The following ITGA11 variants were observed in gnomAD, a reference collection of about 807,000 sequenced individuals.
ITGA11 encodes the protein integrin alpha-11.
In ITGA11, 97 loss-of-function variants were observed where a neutral mutation model predicts 141.9. The observed-to-expected ratio is 0.68, with a 90% confidence interval of 0.58 to 0.81. The LOEUF (loss-of-function observed/expected upper bound fraction) is 0.81. ITGA11 is among the 30% of genes least tolerant of loss of function. ITGA11 has a pLI of 0.00. For synonymous variants in ITGA11, 658 were observed against 624.6 expected (o/e 1.05, Z -0.80); for missense variants, 1,387 against 1,559.2 (o/e 0.89, Z 1.86).
chr15:68,385,224 G>A (rs1472116313), intron 2 of ITGA11, among the ~76,000 whole-genome samples: 1 of 152,242 alleles, frequency 6.6e-6, no homozygotes, highest in East Asian at 1.9e-4. Flanking sequence ...TCAGTTCTGT[G>A]ATTTCGAAGC....
chr15:68,376,224 C>T (rs1016813047), intron 2 of ITGA11, among the ~76,000 whole-genome samples: 4 of 45,672 alleles, frequency 8.8e-5, no homozygotes, highest in Non-Finnish European at 2.3e-4. Context: ...CATTGTTCTC[C>T]TCTCTTTTTT....
chr15:68,369,383 GGAGGGTGGGA>G, intron 2 of ITGA11, 99 bp from the exon 3 acceptor site: 1 of 625,216 alleles, frequency 1.6e-6, no homozygotes, highest in Non-Finnish European at 2.9e-6. Flanking sequence ...AGTTGGGTGG[GGAGGGTGGGA>G]GGGAACCCTG....
At position 68,351,369 on chromosome 15, in the gene ITGA11, T is replaced by A. The variant is rs769997574; in HGVS notation, c.783A>T (p.Gly261=). Residue 261 remains glycine (G), a synonymous_variant, in exon 8 of 30, where the codon GGA becomes GGT. Coordinates refer to ENST00000315757, the MANE Select transcript of ITGA11 (RefSeq NM_001004439.2). The part of the protein sequence containing the change: ...SEAFQKGGRK[G]AKKVMIVITD... ...TGATGACAATCATCACCTTCTTGGCTCCTTTCCTTCCACCCTTCTGGAAAG... is the reference window on the plus strand; with the variant it reads ...TGATGACAATCATCACCTTCTTGGCACCTTTCCTTCCACCCTTCTGGAAAG... 1 of 1,613,808 alleles carries A rather than the reference T, an allele frequency of 6.2e-7. No individual in the cohort carries two copies. The highest frequency in any genetic ancestry group is 8.5e-7 in the Non-Finnish European group (1 of 1,179,866).
Position 68,350,475 on chromosome 15 carries a change from T to C in ITGA11, c.1060+142A>G, listed in dbSNP as rs1000199390. On this transcript the variant is annotated intron_variant, in intron 9 of 29. Transcript: ENST00000315757. ...AAAGTGCTGGGGTTACAGGCGTGAG[T>C]CACCATGCCTGGCCTGGCATTTATT... The C allele has an allele frequency of 9.2e-6, 7 of 757,994 alleles. No homozygotes were observed. The African/African-American group carries it at 1.3e-4, about 14-fold the overall frequency. The allele number at this position is 757,994 out of a possible 1,614,324, so 47.0% of individuals were successfully genotyped here.
In ITGA11 at chr15:68,335,933, G is replaced by A. The variant is rs144673981; in HGVS notation, c.1277-88C>T. The A allele has an allele frequency of 6.8e-7, 1 of 1,467,870 alleles. No individual in the cohort carries two copies. The highest frequency in any genetic ancestry group is 9.3e-7 in the Non-Finnish European group (1 of 1,079,754). 90.9% of individuals were successfully genotyped at this position (1,467,870 alleles called of 1,614,324 possible). A position where few individuals can be genotyped will look rare whatever the true frequency, so the allele number is the denominator to read the frequency against. On this transcript the variant is annotated intron_variant, in intron 11 of 29. Coordinates refer to ENST00000315757, the MANE Select transcript of ITGA11 (RefSeq NM_001004439.2). This position sits in a 1 kb window ranked among gnomAD's most constrained non-coding sequence, Gnocchi z 4.9. ...GGTGCATGGCTTGGCAGTGCCAGAGGATGGGCCAGTGATGGGGTAGGTTCA... is the reference window on the plus strand; with the variant it reads ...GGTGCATGGCTTGGCAGTGCCAGAGAATGGGCCAGTGATGGGGTAGGTTCA...
At chr15:68,431,992 G>C in intron 1 of ITGA11, 23 bp downstream of exon 1, 1 of 1,299,348 alleles carries the variant, frequency 7.7e-7, no homozygotes, top group South Asian at 2.7e-5. Flanking sequence ...AGAGGCAAGG[G>C]GAGGCAGAGG....
chr15:68,407,726 T>C (rs1038896918), intron 1 of ITGA11, among the ~76,000 whole-genome samples: 3 of 152,230 alleles, frequency 2.0e-5, no homozygotes, highest in Non-Finnish European at 2.9e-5. Flanking sequence ...TTTCTCAGAA[T>C]CTTGTGTGTC....
At chr15:68,350,211 G>T (rs748191210) in intron 9 of ITGA11, among the ~76,000 whole-genome samples, 1 of 152,132 alleles carries the variant, frequency 6.6e-6, no homozygotes, top group Non-Finnish European at 1.5e-5. Context: ...TGGGGACAGG[G>T]TCTGGCTCTG....
At chr15:68,339,291 C>T (rs190160372) in intron 11 of ITGA11, among the ~76,000 whole-genome samples, 1 of 151,988 alleles carries the variant, frequency 6.6e-6, no homozygotes, top group East Asian at 1.9e-4. Context: ...TTATGGAGAG[C>T]CTGTTATACG....
intron 10 of ITGA11, among the ~76,000 whole-genome samples, chr15:68,341,545 A>G (rs1305646712): frequency 6.6e-6 from 1 of 152,248 alleles, no homozygotes; most frequent in Non-Finnish European, 1.5e-5. Context: ...TAAGTAGGGC[A>G]GAGAAGAAAA....
Position 68,326,899 on chromosome 15 carries a change from GTTCCT to G in ITGA11, c.2069-108_2069-104del. The G allele has an allele frequency of 1.6e-6, 2 of 1,266,606 alleles. No individual in the cohort carries two copies. The highest frequency in any genetic ancestry group is 2.1e-6 in the Non-Finnish European group (2 of 933,092). The allele number at this position is 1,266,606 out of a possible 1,614,324, so 78.5% of individuals were successfully genotyped here. A position where few individuals can be genotyped will look rare whatever the true frequency, so the allele number is the denominator to read the frequency against. On this transcript the variant is annotated intron_variant, in intron 16 of 29. Coordinates refer to ENST00000315757, the MANE Select transcript of ITGA11 (RefSeq NM_001004439.2). The surrounding 1 kb of genome is among the most constrained non-coding windows in gnomAD (Gnocchi z 6.8). ...CCCCCAGGCTGGCCAGGGGAGAGCTGTTCCTTTCCTCTCACGAGCCCCAGTGTGGG... is the reference window on the plus strand; with the variant it reads ...CCCCCAGGCTGGCCAGGGGAGAGCTGTTCCTCTCACGAGCCCCAGTGTGGG...
At chr15:68,329,005 G>A (rs541442932) in intron 15 of ITGA11, among the ~76,000 whole-genome samples, 1 of 152,302 alleles carries the variant, frequency 6.6e-6, no homozygotes, top group African/African-American at 2.4e-5. Flanking sequence ...AACCATGAAT[G>A]TATATAAAAA....
chr15:68,318,384 G>A (rs78433261), intron 20 of ITGA11, among the ~76,000 whole-genome samples: 2,286 of 152,272 alleles, frequency 0.015, 57 homozygotes, highest in African/African-American at 0.052. Context: ...AGGGGAAGGC[G>A]GATGCTGGTG....
chr15:68,426,685 A>C (rs745676597), intron 1 of ITGA11, among the ~76,000 whole-genome samples: 5 of 152,108 alleles, frequency 3.3e-5, no homozygotes, highest in Admixed American at 6.6e-5. Flanking sequence ...AGGACAACTT[A>C]CTGTCTTTCT....
chr15:68,307,256 G>A lies in ITGA11; in HGVS notation c.3381+92C>T. 1.2e-6 allele frequency: 1 copy of A among 852,200 alleles called. No individual in the cohort carries two copies. Among genetic ancestry groups the A allele is most frequent in the East Asian group, 2.7e-5 (1 of 37,598 alleles). The allele number at this position is 852,200 out of a possible 1,614,324, so 52.8% of individuals were successfully genotyped here. A position where few individuals can be genotyped will look rare whatever the true frequency, so the allele number is the denominator to read the frequency against. On this transcript the variant is annotated intron_variant, in intron 28 of 29. Coordinates refer to ENST00000315757, the MANE Select transcript of ITGA11 (RefSeq NM_001004439.2). This position sits in a 1 kb window ranked among gnomAD's most constrained non-coding sequence, Gnocchi z 6.1. Reference sequence around the variant, plus strand: ...CTCTCCTGCTGGGACATGCAGCCAGGGGTTGTAGGAAAACTCTATAGAGGA... The same window carrying A: ...CTCTCCTGCTGGGACATGCAGCCAGAGGTTGTAGGAAAACTCTATAGAGGA...
intron 1 of ITGA11, among the ~76,000 whole-genome samples, chr15:68,424,851 GTCTTGAGGCAATAACTGGAGACAGAAGTA>G (rs1897104181): frequency 6.6e-6 from 1 of 152,376 alleles, no homozygotes; most frequent in South Asian, 2.1e-4. Flanking sequence ...TCCCAAAGCA[GTCTTGAGGCAATAACTGGAGACAGAAGTA>G]TCTTAATTCC....
chr15:68,362,656 A>G (rs1238476661), intron 4 of ITGA11, among the ~76,000 whole-genome samples: 1 of 152,086 alleles, frequency 6.6e-6, no homozygotes, highest in East Asian at 1.9e-4. Context: ...TGATGAATGG[A>G]TGGATGGATA....
At chr15:68,413,652 G>A (rs1389385619) in intron 1 of ITGA11, among the ~76,000 whole-genome samples, 2 of 152,154 alleles carry the variant, frequency 1.3e-5, no homozygotes, top group Admixed American at 6.5e-5. Context: ...TCTGTAAAAT[G>A]AGAGGCTCCT....
At chr15:68,310,605 G>A (rs1314244938) in intron 26 of ITGA11, among the ~76,000 whole-genome samples, 1 of 152,208 alleles carries the variant, frequency 6.6e-6, no homozygotes, top group Admixed American at 6.5e-5. Context: ...TCCAATACAA[G>A]CCACGTGTGT....
Sources: gnomAD v4.1 joint callset for allele counts (sites outside exome capture counted in the v4.1 genomes callset) on GRCh38, gnomAD v4.1.1 for gene constraint, Gnocchi (gnomAD v3.1) non-coding constraint, MANE v1.5 for transcripts, NCBI Gene and HGNC (gene_info 2026-07-23, HGNC 2026-07-21) for gene names.